Variants in FBXW4 observed in about 807,000 individuals in gnomAD.
The protein encoded by FBXW4 is F-box/WD repeat-containing protein 4.
A neutral mutation model predicts 61.8 loss-of-function variants in FBXW4; 40 were observed. The observed-to-expected ratio is 0.65, with a 90% CI of 0.50 to 0.84. FBXW4 has a LOEUF of 0.84. FBXW4 is among the 40% of genes least tolerant of loss of function. FBXW4 has a pLI of 0.00. For synonymous variants in FBXW4, 311 were observed against 313.8 expected (o/e 0.99, Z 0.10); for missense variants, 672 against 753.8 (o/e 0.89, Z 1.27).
chr10:101,640,002 C>T (rs1420106390), intron 5 of FBXW4, among the ~76,000 whole-genome samples: 3 of 152,198 alleles, frequency 2.0e-5, no homozygotes, highest in South Asian at 2.1e-4. Context: ...AGTAACTGCT[C>T]GGCTTCTCAC....
At chr10:101,643,341 C>G (rs2064069780) in intron 5 of FBXW4, among the ~76,000 whole-genome samples, 1 of 152,242 alleles carries the variant, frequency 6.6e-6, no homozygotes, top group South Asian at 2.1e-4. Context: ...CTCCCAGGTG[C>G]TGGGATTTGG....
At chr10:101,623,778 A>T (rs1375162182) in intron 6 of FBXW4, among the ~76,000 whole-genome samples, 1 of 152,242 alleles carries the variant, frequency 6.6e-6, no homozygotes, top group Non-Finnish European at 1.5e-5. Context: ...ATGCAGCAAC[A>T]TCTGTGGGTC....
At chr10:101,690,355 A>C (rs1269278691) in intron 1 of FBXW4, among the ~76,000 whole-genome samples, 1 of 152,220 alleles carries the variant, frequency 6.6e-6, no homozygotes, top group East Asian at 1.9e-4. Flanking sequence ...CATTTCTTTG[A>C]TTTTTATTGT....
At chr10:101,628,537 T>A (rs1483499030) in intron 5 of FBXW4, among the ~76,000 whole-genome samples, 2 of 152,188 alleles carry the variant, frequency 1.3e-5, no homozygotes, top group Non-Finnish European at 2.9e-5. Flanking sequence ...AAGAGGGCCT[T>A]CCAGAGCCCA....
At chr10:101,641,082 C>T (rs557413118) in intron 5 of FBXW4, among the ~76,000 whole-genome samples, 2 of 152,230 alleles carry the variant, frequency 1.3e-5, no homozygotes, top group South Asian at 2.1e-4. Context: ...CCACCCACCT[C>T]GGCCTCCCAA....
intron 3 of FBXW4, 35 bp from the exon 4 acceptor site, chr10:101,673,082 C>T (rs758585336): frequency 6.2e-7 from 1 of 1,600,092 alleles, no homozygotes; most frequent in African/African-American, 1.4e-5. Flanking sequence ...CCCCAAGAAC[C>T]AATTATTCTT....
At chr10:101,666,475 C>A (rs775141954) in intron 5 of FBXW4, among the ~76,000 whole-genome samples, 1 of 151,996 alleles carries the variant, frequency 6.6e-6, no homozygotes, top group African/African-American at 2.4e-5. Context: ...GGTGCAGGCT[C>A]CATGGGGTGA....
At chr10:101,628,429 T>C (rs542392008) in intron 5 of FBXW4, among the ~76,000 whole-genome samples, 1 of 152,274 alleles carries the variant, frequency 6.6e-6, no homozygotes, top group South Asian at 2.1e-4. Flanking sequence ...CATCTCCCCT[T>C]TGAGATCAGA....
chr10:101,636,780 G>C (rs1022631254), intron 5 of FBXW4, among the ~76,000 whole-genome samples: 4 of 151,724 alleles, frequency 2.6e-5, no homozygotes, highest in Non-Finnish European at 5.9e-5. Context: ...GTAGAGACGG[G>C]GTTTCACCAT....
intron 5 of FBXW4, among the ~76,000 whole-genome samples, chr10:101,653,938 T>A (rs1024603121): frequency 1.3e-5 from 2 of 151,862 alleles, no homozygotes; most frequent in African/African-American, 4.8e-5. Flanking sequence ...CTGGCCAACA[T>A]GGTCAAACCC....
At chr10:101,627,918 A>T in intron 5 of FBXW4, 1 of 978,552 alleles carries the variant, frequency 1.0e-6, no homozygotes, top group South Asian at 4.7e-5. Flanking sequence ...CATCACAGGC[A>T]GTCTCACTGG....
In FBXW4 at chr10:101,611,688, T is replaced by C. The variant is rs764208849; in HGVS notation, c.1524A>G (p.Thr508=). Residue 508 remains threonine (T), a synonymous_variant, in exon 8 of 9, where the codon ACA becomes ACG. Coordinates refer to ENST00000331272, the MANE Select transcript of FBXW4 (RefSeq NM_022039.4). This position sits in a 1 kb window ranked among gnomAD's most constrained non-coding sequence, Gnocchi z 4.9. ...LQTDGNHLLA[T]GSSYYGVVRL... The stretch of plus-strand genomic sequence containing the variant: ...GTACAACACCGTAGTAGGAGGAACC[T>C]GTGGCCAGCAGGTGGTTGCCATCTG... The C allele has an allele frequency of 1.2e-6, 2 of 1,614,186 alleles. No individual in the cohort carries two copies. Among genetic ancestry groups the C allele is most frequent in the South Asian group, 1.1e-5 (1 of 91,088 alleles).
intron 5 of FBXW4, among the ~76,000 whole-genome samples, chr10:101,640,588 T>G (rs1315417291): frequency 7.1e-6 from 1 of 141,802 alleles, no homozygotes; most frequent in Non-Finnish European, 1.5e-5. Flanking sequence ...GCTTCCTGGG[T>G]TCAAGCGATT....
Position 101,641,419 on chromosome 10 carries a change from C to A in FBXW4, c.1236-16609G>T, listed in dbSNP as rs568719573. On this transcript the variant is annotated intron_variant, in intron 5 of 8. Transcript: ENST00000331272. Reference sequence around the variant, plus strand: ...AATTGACTGTGATCTTTCTTTGTAACCCCAAGCAACTCCTTTGTTACAACT... The same window carrying A: ...AATTGACTGTGATCTTTCTTTGTAAACCCAAGCAACTCCTTTGTTACAACT... Among the ~76,000 whole-genome samples the A allele has an allele frequency of 2.0e-5, 3 of 152,240 alleles. No homozygotes were observed. In the East Asian group the frequency reaches 5.8e-4, roughly 29 times the overall value.
chr10:101,650,287 G>A (rs2064135401), intron 5 of FBXW4, among the ~76,000 whole-genome samples: 1 of 152,164 alleles, frequency 6.6e-6, no homozygotes, highest in Non-Finnish European at 1.5e-5. Context: ...CCTGAGATGA[G>A]CATTTGTGAT....
rs1243252250 is a variant in FBXW4 at position 101,612,319 on chromosome 10, C to T, written c.1442+18G>A. The stretch of plus-strand genomic sequence containing the variant: ...TGCAGGGCCCCCACCACCTGTCCTC[C>T]CTGCCCAGCACACTCACCGGACGCT... On this transcript the variant is annotated intron_variant, in intron 7 of 8. Coordinates refer to ENST00000331272, the MANE Select transcript of FBXW4 (RefSeq NM_022039.4). 2.6e-6 allele frequency: 4 copies of T among 1,532,566 alleles called. No homozygotes were observed. The highest frequency in any genetic ancestry group is 1.3e-5 in the South Asian group (1 of 75,636). 94.9% of individuals were successfully genotyped at this position (1,532,566 alleles called of 1,614,324 possible).
intron 5 of FBXW4, among the ~76,000 whole-genome samples, chr10:101,656,230 C>T (rs537112466): frequency 1.3e-5 from 2 of 152,272 alleles, no homozygotes; most frequent in South Asian, 4.1e-4. Context: ...AAGCTTCTCA[C>T]CTGATCACTT....
At chr10:101,618,636 G>A (rs1302666730) in intron 6 of FBXW4, among the ~76,000 whole-genome samples, 1 of 152,096 alleles carries the variant, frequency 6.6e-6, no homozygotes, top group Non-Finnish European at 1.5e-5. Context: ...CACACACAGG[G>A]CAGCACAGGA....
chr10:101,691,226 C>T (rs1478968225), intron 1 of FBXW4, among the ~76,000 whole-genome samples: 1 of 152,146 alleles, frequency 6.6e-6, no homozygotes, highest in African/African-American at 2.4e-5. Context: ...GGCCCGGGTT[C>T]GCTGACTCCC....
Sources: gnomAD v4.1 joint callset for allele counts (sites outside exome capture counted in the v4.1 genomes callset) on GRCh38, gnomAD v4.1.1 for gene constraint, Gnocchi (gnomAD v3.1) non-coding constraint, MANE v1.5 for transcripts, NCBI Gene and HGNC (gene_info 2026-07-23, HGNC 2026-07-21) for gene names.